Variants in TMEM178A observed in about 807,000 individuals in gnomAD.
TMEM178A encodes transmembrane protein 178A.
TMEM178A carries 12 observed loss-of-function variants against 29.1 expected under a neutral mutation model. That is an observed-to-expected ratio of 0.41 (90% CI 0.26 to 0.67). TMEM178A has a LOEUF of 0.67. Ranked by LOEUF, TMEM178A falls within the 30% of genes least tolerant of loss-of-function variation. TMEM178A has a pLI of 0.29. For synonymous variants in TMEM178A, 210 were observed against 187.2 expected (o/e 1.12, Z -0.99); for missense variants, 366 against 419.1 (o/e 0.87, Z 1.11).
At position 39,711,763 on chromosome 2, in the gene TMEM178A, G is replaced by A. The variant is rs182390198; in HGVS notation, c.652+4577G>A. 1.8e-3 allele frequency among the ~76,000 whole-genome samples: 268 copies of A among 152,260 alleles called. 2 individuals are homozygous for A. The highest frequency in any genetic ancestry group is 6.1e-3 in the African/African-American group (254 of 41,554). On this transcript the variant is annotated intron_variant, in intron 3 of 3. Coordinates refer to ENST00000281961, the MANE Select transcript of TMEM178A (RefSeq NM_152390.3). ...ACTTTTTCTATAACCTTGGGGGCCA[G>A]GTGTGTTTTGTAATTCAGGATCTAA...
chr2:39,677,397 A>G (rs181344804), intron 1 of TMEM178A, among the ~76,000 whole-genome samples: 64 of 152,226 alleles, frequency 4.2e-4, no homozygotes, highest in Non-Finnish European at 5.9e-5. Flanking sequence ...CAGTGCATCT[A>G]TAAATATAAT....
At position 39,679,774 on chromosome 2, in the gene TMEM178A, C is replaced by T. The variant is rs1421858713; in HGVS notation, c.400+13400C>T. Among the ~76,000 whole-genome samples, 4 of 152,130 alleles carry T rather than the reference C, an allele frequency of 2.6e-5. 1 individual carries two copies. The highest frequency in any genetic ancestry group is 5.9e-5 in the Non-Finnish European group (4 of 68,032). ...TATTCTTTTTCCAGTAAAACGGTTGCAATTCCAGTTACATACTTTCCTTGA... is the reference window on the plus strand; with the variant it reads ...TATTCTTTTTCCAGTAAAACGGTTGTAATTCCAGTTACATACTTTCCTTGA... On this transcript the variant is annotated intron_variant, in intron 1 of 3. Coordinates refer to ENST00000281961, the MANE Select transcript of TMEM178A (RefSeq NM_152390.3).
At chr2:39,734,740 C>T in the TMEM178A span, among the ~76,000 whole-genome samples, 1 of 152,162 alleles carries the variant, frequency 6.6e-6, no homozygotes, top group South Asian at 2.1e-4. Flanking sequence ...TCTGATATTT[C>T]TCACCAAACC....
At chr2:39,731,375 A>C in the TMEM178A span, among the ~76,000 whole-genome samples, 1 of 152,212 alleles carries the variant, frequency 6.6e-6, no homozygotes, top group Non-Finnish European at 1.5e-5. Flanking sequence ...CGGGCTGAGA[A>C]GTTCAAAAGC....
chr2:39,674,186 G>A (rs1670519446), intron 1 of TMEM178A, among the ~76,000 whole-genome samples: 1 of 151,982 alleles, frequency 6.6e-6, no homozygotes, highest in Admixed American at 6.6e-5. Context: ...CAACATCAAC[G>A]GTTCAATATT....
chr2:39,665,634 A>C, upstream of TMEM178A: 3 of 218,990 alleles, frequency 1.4e-5, no homozygotes, highest in East Asian at 8.7e-5. Context: ...CGGACTGTGG[A>C]TCGGAGGTAG....
chr2:39,716,323 A>C (rs1391502613), intron 3 of TMEM178A, among the ~76,000 whole-genome samples: 3 of 152,216 alleles, frequency 2.0e-5, no homozygotes, highest in Non-Finnish European at 4.4e-5. Flanking sequence ...AAGGAAAATT[A>C]CACACACATG....
Position 39,717,364 on chromosome 2 carries a change from C to T in TMEM178A, c.*113C>T, listed in dbSNP as rs1672592378. The stretch of plus-strand genomic sequence containing the variant: ...ACATTCCAACCTGTTGCCTGCCAGC[C>T]CTTTCTGGATTACTGATAGAAAATC... On this transcript the variant is annotated 3_prime_UTR_variant, in exon 4 of 4. Transcript: ENST00000281961. 7.0e-7 allele frequency: 1 copy of T among 1,427,998 alleles called. No individual in the cohort carries two copies. Among genetic ancestry groups the T allele is most frequent in the Non-Finnish European group, 9.3e-7 (1 of 1,072,822 alleles). 88.5% of individuals were successfully genotyped at this position (1,427,998 alleles called of 1,614,324 possible). A position where few individuals can be genotyped will look rare whatever the true frequency, so the allele number is the denominator to read the frequency against.
intron 1 of TMEM178A, among the ~76,000 whole-genome samples, chr2:39,669,064 T>C (rs1374452701): frequency 1.3e-5 from 2 of 152,226 alleles, no homozygotes; most frequent in Non-Finnish European, 2.9e-5. Flanking sequence ...CTTTCTTCTA[T>C]GAGTTACCTT....
At chr2:39,699,641 G>C (rs1671696677) in intron 1 of TMEM178A, among the ~76,000 whole-genome samples, 1 of 151,954 alleles carries the variant, frequency 6.6e-6, no homozygotes, top group Non-Finnish European at 1.5e-5. Context: ...TATTTTTTTA[G>C]AGACAGGGTC....
At chr2:39,665,813 G>C (rs1670117231), upstream of TMEM178A, 1 of 645,102 alleles carries the variant, frequency 1.6e-6, no homozygotes, top group Non-Finnish European at 2.3e-6. Flanking sequence ...CCAGGGGAGA[G>C]GGAGCGAGCC....
At chr2:39,692,529 AT>A (rs1229717554) in intron 1 of TMEM178A, among the ~76,000 whole-genome samples, 5 of 152,208 alleles carry the variant, frequency 3.3e-5, no homozygotes, top group African/African-American at 1.2e-4. Context: ...AAAGACAGTG[AT>A]TGATAGTTGG....
chr2:39,673,584 G>T (rs1670493405), intron 1 of TMEM178A, among the ~76,000 whole-genome samples: 1 of 152,186 alleles, frequency 6.6e-6, no homozygotes, highest in Admixed American at 6.5e-5. Flanking sequence ...AGAGACTCCA[G>T]AAATGTAAGT....
downstream of TMEM178A, among the ~76,000 whole-genome samples, chr2:39,718,543 A>T (rs1672634609): frequency 6.6e-6 from 1 of 152,208 alleles, no homozygotes; most frequent in African/African-American, 2.4e-5. Flanking sequence ...AACAAAGCGA[A>T]CTCACTTATT....
At chr2:39,665,896 G>A, upstream of TMEM178A, 1 of 1,243,780 alleles carries the variant, frequency 8.0e-7, no homozygotes, top group Non-Finnish European at 1.0e-6. Flanking sequence ...GGAGGGAGCG[G>A]GCGGAGAGCT....
At chr2:39,699,258 C>T (rs1671681018) in intron 1 of TMEM178A, among the ~76,000 whole-genome samples, 2 of 151,574 alleles carry the variant, frequency 1.3e-5, no homozygotes, top group South Asian at 4.2e-4. Context: ...AACTCCTGGC[C>T]TCAAGTGATC....
intron 3 of TMEM178A, 45 bp downstream of exon 3, chr2:39,707,231 C>A: frequency 6.4e-7 from 1 of 1,559,584 alleles, no homozygotes; most frequent in South Asian, 1.2e-5. Flanking sequence ...AAGGTGAAGG[C>A]TGCTCTGCAT....
intron 3 of TMEM178A, among the ~76,000 whole-genome samples, chr2:39,715,284 A>G (rs536992609): frequency 6.6e-6 from 1 of 152,322 alleles, no homozygotes; most frequent in African/African-American, 2.4e-5. Context: ...TCATTGTTCT[A>G]TTATTCTATT....
At chr2:39,689,486 A>C (rs1449255986) in intron 1 of TMEM178A, among the ~76,000 whole-genome samples, 2 of 152,226 alleles carry the variant, frequency 1.3e-5, no homozygotes, top group African/African-American at 4.8e-5. Flanking sequence ...GAGTGAAAGA[A>C]AGAGTAAATA....
Sources: allele counts gnomAD v4.1 joint callset (sites outside exome capture counted in the v4.1 genomes callset), GRCh38; gene constraint gnomAD v4.1.1; transcripts MANE v1.5; gene names NCBI Gene and HGNC (gene_info 2026-07-23, HGNC 2026-07-21).